PCDHA12: variants seen among roughly 807,000 people sequenced by gnomAD.
PCDHA12 encodes protocadherin alpha 12.
In PCDHA12, 44 loss-of-function variants were observed where a neutral mutation model predicts 60.0. That is an observed-to-expected ratio of 0.73 (90% CI 0.58 to 0.94). PCDHA12 has a LOEUF of 0.94. Among genes scored for constraint, PCDHA12 ranks in the 40% least tolerant of loss-of-function variants. PCDHA12 has a pLI of 0.00. For missense variants in PCDHA12, 1,276 were observed against 1,239.7 expected, an observed-to-expected ratio of 1.03 and a Z score of -0.44; for synonymous variants, 569 against 553.0, an observed-to-expected ratio of 1.03 and a Z score of -0.40.
intron 3 of PCDHA12, among the ~76,000 whole-genome samples, chr5:140,989,272 T>C (rs1554250681): frequency 6.6e-6 from 1 of 152,204 alleles, no homozygotes. Flanking sequence ...AAGTTTCTGC[T>C]GGGGACATCT....
chr5:141,010,105 G>A lies in PCDHA12; in HGVS notation c.*168G>A. 6.2e-7 allele frequency: 1 copy of A among 1,612,150 alleles called. No homozygotes were observed. Among genetic ancestry groups the A allele is most frequent in the African/African-American group, 1.3e-5 (1 of 74,962 alleles). The stretch of plus-strand genomic sequence containing the variant: ...GTCTAGAACGCATTTAACAGGTTTT[G>A]TCGTAAAAGCTTTACTAAGTCTGGT... On this transcript the variant is annotated 3_prime_UTR_variant, in exon 4 of 4. Transcript: ENST00000398631.
At chr5:140,967,355 C>G in intron 1 of PCDHA12, 1 of 1,608,112 alleles carries the variant, frequency 6.2e-7, no homozygotes, top group Non-Finnish European at 8.5e-7. Context: ...CGAGCTGGAC[C>G]TTAAGCCCCT....
At chr5:140,903,597 T>C (rs1182384058) in intron 1 of PCDHA12, among the ~76,000 whole-genome samples, 1 of 152,218 alleles carries the variant, frequency 6.6e-6, no homozygotes, top group African/African-American at 2.4e-5. Flanking sequence ...GCCTGATAAA[T>C]GCTTAATACA....
chr5:140,944,909 C>A (rs1320536064), intron 1 of PCDHA12, among the ~76,000 whole-genome samples: 1 of 152,136 alleles, frequency 6.6e-6, no homozygotes, highest in African/African-American at 2.4e-5. Flanking sequence ...CCACAAACTT[C>A]TCTTTATATT....
chr5:140,946,457 C>T (rs1480427132), intron 1 of PCDHA12, among the ~76,000 whole-genome samples: 2 of 151,612 alleles, frequency 1.3e-5, no homozygotes, highest in Non-Finnish European at 3.0e-5. Flanking sequence ...AACTATCCAG[C>T]AATCCCACTA....
In PCDHA12 at chr5:140,876,415, G is replaced by T; in HGVS notation, c.943G>T (p.Ala315Ser). Residue 315 changes from alanine to serine, a missense_variant, in exon 1 of 4, where the codon GCC becomes TCC. Physicochemically the swap from Ala to Ser is moderately conservative, Grantham distance 99. Transcript: ENST00000398631. Reference sequence around the variant, plus strand: ...TGAACTGGATTTTGAAGAGAATAATGCCTATGAAATTCAGGTTAACGCCAT... The same window carrying T: ...TGAACTGGATTTTGAAGAGAATAATTCCTATGAAATTCAGGTTAACGCCAT... Reference protein sequence around the residue: ...YGELDFEENNAYEIQVNAIDK... With the variant: ...YGELDFEENNSYEIQVNAIDK... The T allele has an allele frequency of 2.5e-6, 4 of 1,613,960 alleles. 1 individual carries two copies. The highest frequency in any genetic ancestry group is 3.4e-6 in the Non-Finnish European group (4 of 1,179,898).
intron 1 of PCDHA12, among the ~76,000 whole-genome samples, chr5:140,895,900 G>A (rs540029399): frequency 1.3e-3 from 196 of 152,038 alleles, no homozygotes; most frequent in African/African-American, 4.6e-3. Context: ...CAACCTCCGC[G>A]TCCCGGGCTC....
chr5:140,954,025 C>T (rs533473552), intron 1 of PCDHA12, among the ~76,000 whole-genome samples: 385 of 152,188 alleles, frequency 2.5e-3, no homozygotes, highest in Middle Eastern at 0.014. Context: ...CATAGTGGGA[C>T]GATGTGGTAT....
At chr5:140,924,725 C>G (rs1015635507) in intron 1 of PCDHA12, among the ~76,000 whole-genome samples, 1 of 151,698 alleles carries the variant, frequency 6.6e-6, no homozygotes, top group East Asian at 1.9e-4. Context: ...CGAAACCTCA[C>G]CTCTAATAAA....
intron 1 of PCDHA12, among the ~76,000 whole-genome samples, chr5:140,939,170 A>G (rs1554212590): frequency 2.0e-5 from 3 of 152,136 alleles, no homozygotes; most frequent in Admixed American, 1.3e-4. Context: ...GTGTCTGGTA[A>G]TGGCCCACTC....
At chr5:140,915,264 G>A (rs536821921) in intron 1 of PCDHA12, among the ~76,000 whole-genome samples, 9 of 151,876 alleles carry the variant, frequency 5.9e-5, no homozygotes, top group Non-Finnish European at 1.3e-4. Context: ...TATTATTTTT[G>A]ACCAGTTCAT....
chr5:140,878,537 C>G (rs1554170454), intron 1 of PCDHA12, among the ~76,000 whole-genome samples: 2 of 152,152 alleles, frequency 1.3e-5, no homozygotes, highest in African/African-American at 4.8e-5. Flanking sequence ...GTGGCTCAAA[C>G]CAGTTTCAGA....
At chr5:140,883,759 G>A (rs1554179777) in intron 1 of PCDHA12, 1 of 1,612,704 alleles carries the variant, frequency 6.2e-7, no homozygotes, top group African/African-American at 1.3e-5. Context: ...TGGTGGAGCG[G>A]CGGGTGGGCG....
At position 140,882,067 on chromosome 5, in the gene PCDHA12, G is replaced by A. The variant is rs1031145324; in HGVS notation, c.2367+4228G>A. 7.1e-6 allele frequency: 6 copies of A among 848,700 alleles called. No individual in the cohort carries two copies. The East Asian group carries it at 8.0e-5, about 11-fold the overall frequency. 52.6% of individuals were successfully genotyped at this position (848,700 alleles called of 1,614,324 possible). A position where few individuals can be genotyped will look rare whatever the true frequency, so the allele number is the denominator to read the frequency against. ...GTCATACTTACACTTACACGTTCATGCGCATGGTGTCGCTCTTCACTGAGA... is the reference window on the plus strand; with the variant it reads ...GTCATACTTACACTTACACGTTCATACGCATGGTGTCGCTCTTCACTGAGA... On this transcript the variant is annotated intron_variant, in intron 1 of 3. Transcript: ENST00000398631.
At chr5:140,999,138 C>T (rs530740266) in intron 3 of PCDHA12, among the ~76,000 whole-genome samples, 1 of 152,140 alleles carries the variant, frequency 6.6e-6, no homozygotes, top group Non-Finnish European at 1.5e-5. Flanking sequence ...AATGTCACAG[C>T]CGGAAGTCTT....
At chr5:140,891,034 G>A (rs1377509789) in intron 1 of PCDHA12, among the ~76,000 whole-genome samples, 1 of 151,488 alleles carries the variant, frequency 6.6e-6, no homozygotes, top group Non-Finnish European at 1.5e-5. Context: ...ATAATCTTAG[G>A]TGTGACCCCC....
chr5:140,969,210 C>T, intron 1 of PCDHA12: 10 of 1,614,184 alleles, frequency 6.2e-6, no homozygotes, highest in Non-Finnish European at 8.5e-6. Flanking sequence ...GGGGCCCAGA[C>T]AGGACCAGGG....
At chr5:140,993,358 A>G (rs1197499617) in intron 3 of PCDHA12, among the ~76,000 whole-genome samples, 7 of 151,988 alleles carry the variant, frequency 4.6e-5, no homozygotes, top group Admixed American at 4.6e-4. Context: ...AGATCCTCAC[A>G]AAAACTACCT....
intron 1 of PCDHA12, among the ~76,000 whole-genome samples, chr5:140,940,904 GT>G (rs1437754574): frequency 6.6e-6 from 1 of 152,188 alleles, no homozygotes; most frequent in Non-Finnish European, 1.5e-5. Context: ...TTTAAATCAA[GT>G]TCAAGACTTG....
Sources: gnomAD v4.1 joint callset for allele counts (sites outside exome capture counted in the v4.1 genomes callset) on GRCh38, gnomAD v4.1.1 for gene constraint, MANE v1.5 for transcripts, NCBI Gene and HGNC (gene_info 2026-07-23, HGNC 2026-07-21) for gene names.